METAP1D: variants seen among roughly 807,000 people sequenced by gnomAD.
METAP1D encodes the protein methionyl aminopeptidase type 1D, mitochondrial.
Under a neutral mutation model 40.5 loss-of-function variants are expected in METAP1D, and 31 were observed. That is an observed-to-expected ratio of 0.77 (90% CI 0.58 to 1.03). The LOEUF is 1.03. Among genes scored for constraint, METAP1D ranks in the 50% least tolerant of loss-of-function variants. The probability of loss-of-function intolerance (pLI) is 0.00; values close to 1 mark genes in which losing one functional copy is unlikely to be tolerated. For synonymous variants in METAP1D, 151 were observed against 146.4 expected (o/e 1.03, Z -0.22); for missense variants, 411 against 420.7 (o/e 0.98, Z 0.20).
intron 1 of METAP1D, among the ~76,000 whole-genome samples, chr2:172,010,219 C>A (rs1011971268): frequency 1.3e-5 from 2 of 150,722 alleles, no homozygotes; most frequent in African/African-American, 2.4e-5. Flanking sequence ...CAACTCACTG[C>A]AGCCTTGACC....
chr2:172,002,598 G>A (rs1043099313), intron 1 of METAP1D, among the ~76,000 whole-genome samples: 4 of 152,144 alleles, frequency 2.6e-5, no homozygotes, highest in African/African-American at 9.7e-5. Flanking sequence ...GAAGAAAAAT[G>A]TGTCATCAGG....
chr2:172,073,381 A>AT (rs1282497896), intron 6 of METAP1D, among the ~76,000 whole-genome samples: 2 of 152,192 alleles, frequency 1.3e-5, no homozygotes, highest in South Asian at 4.1e-4. Context: ...TTCTAGCTAC[A>AT]TTAAAAAAAA....
intron 1 of METAP1D, among the ~76,000 whole-genome samples, chr2:172,020,876 T>C (rs764626806): frequency 9.9e-5 from 15 of 152,212 alleles, no homozygotes; most frequent in Non-Finnish European, 2.1e-4. Context: ...AACTTGGGAT[T>C]TGCAAAATTC....
At chr2:172,003,697 T>C (rs1200655445) in intron 1 of METAP1D, among the ~76,000 whole-genome samples, 1 of 152,138 alleles carries the variant, frequency 6.6e-6, no homozygotes, top group African/African-American at 2.4e-5. Context: ...CTTTATAAAT[T>C]ACCCAGTCTC....
At chr2:172,007,012 C>T (rs1279974102) in intron 1 of METAP1D, among the ~76,000 whole-genome samples, 1 of 151,934 alleles carries the variant, frequency 6.6e-6, no homozygotes, top group African/African-American at 2.4e-5. Flanking sequence ...TTCATCTTTT[C>T]CTTTAAGTAC....
At chr2:172,041,333 C>T (rs562313426) in intron 1 of METAP1D, among the ~76,000 whole-genome samples, 2 of 135,296 alleles carry the variant, frequency 1.5e-5, no homozygotes, top group East Asian at 2.0e-4. Context: ...GTGGTGTGCA[C>T]CTATAGTCCC....
At chr2:172,007,003 T>G (rs1688601869) in intron 1 of METAP1D, among the ~76,000 whole-genome samples, 1 of 152,052 alleles carries the variant, frequency 6.6e-6, no homozygotes, top group South Asian at 2.1e-4. Flanking sequence ...CTCATTATGT[T>G]CATCTTTTCC....
Position 172,041,391 on chromosome 2 carries a change from G to A in METAP1D, c.41-20107G>A, listed in dbSNP as rs560288680. 4.7e-5 allele frequency among the ~76,000 whole-genome samples: 6 copies of A among 127,706 alleles called. 2 individuals carry two copies. The highest frequency in any genetic ancestry group is 2.1e-4 in the East Asian group (1 of 4,848). 83.8% of individuals were successfully genotyped at this position (127,706 alleles called of 152,430 possible). ...TAAGAATCGCTTGAATCCAGGAGGCGGAGGTTTCAGTGAGCCGATATCGTG... is the reference window on the plus strand; with the variant it reads ...TAAGAATCGCTTGAATCCAGGAGGCAGAGGTTTCAGTGAGCCGATATCGTG... On this transcript the variant is annotated intron_variant, in intron 1 of 9. Transcript: ENST00000315796.
chr2:172,071,750 C>T (rs971509905), intron 6 of METAP1D, among the ~76,000 whole-genome samples: 2 of 151,978 alleles, frequency 1.3e-5, no homozygotes, highest in East Asian at 1.9e-4. Context: ...GTAGACATGC[C>T]GAATATATGT....
chr2:172,001,231 G>A (rs1184025681), intron 1 of METAP1D, among the ~76,000 whole-genome samples: 3 of 152,022 alleles, frequency 2.0e-5, no homozygotes, highest in Non-Finnish European at 4.4e-5. Context: ...GACAGTGCAG[G>A]ATGAGTGTGT....
chr2:172,012,267 C>A (rs187596737), intron 1 of METAP1D, among the ~76,000 whole-genome samples: 1 of 152,224 alleles, frequency 6.6e-6, no homozygotes, highest in Non-Finnish European at 1.5e-5. Context: ...TCTCTGTGGT[C>A]TTCTGTCCTC....
At chr2:172,007,347 T>A (rs927530158) in intron 1 of METAP1D, among the ~76,000 whole-genome samples, 3 of 152,036 alleles carry the variant, frequency 2.0e-5, no homozygotes, top group Admixed American at 6.6e-5. Context: ...TCATGTAATA[T>A]TTAATTTTAT....
At chr2:172,060,045 C>T (rs575768605) in intron 1 of METAP1D, among the ~76,000 whole-genome samples, 4 of 150,684 alleles carry the variant, frequency 2.7e-5, no homozygotes, top group South Asian at 2.1e-4. Context: ...AGTGAGACTC[C>T]GTCTCAAAAA....
At chr2:172,020,914 C>G (rs533442504) in intron 1 of METAP1D, among the ~76,000 whole-genome samples, 1 of 152,128 alleles carries the variant, frequency 6.6e-6, no homozygotes, top group Non-Finnish European at 1.5e-5. Context: ...ATAAAGTTGA[C>G]AGTAAATGGC....
chr2:172,059,111 C>CTTT (rs58889810), intron 1 of METAP1D, among the ~76,000 whole-genome samples: 7 of 143,906 alleles, frequency 4.9e-5, no homozygotes, highest in Non-Finnish European at 9.2e-5. Flanking sequence ...TTCTTTCTTT[C>CTTT]TTTTTTTTTT....
intron 5 of METAP1D, among the ~76,000 whole-genome samples, chr2:172,067,210 G>A (rs892746777): frequency 6.6e-6 from 1 of 152,106 alleles, no homozygotes; most frequent in Non-Finnish European, 1.5e-5. Context: ...CATCTTAGGA[G>A]AACTAGTTGA....
At chr2:172,058,495 A>T (rs1012375027) in intron 1 of METAP1D, among the ~76,000 whole-genome samples, 4 of 152,154 alleles carry the variant, frequency 2.6e-5, no homozygotes, top group African/African-American at 9.7e-5. Context: ...TCATTAGGGA[A>T]ATATTATACT....
At chr2:172,023,883 CT>C (rs1689060601) in intron 1 of METAP1D, among the ~76,000 whole-genome samples, 1 of 138,984 alleles carries the variant, frequency 7.2e-6, no homozygotes, top group East Asian at 2.0e-4. Context: ...GAGACAGAGT[CT>C]TGCTCTGTCA....
chr2:172,014,539 G>A (rs931971730), intron 1 of METAP1D, among the ~76,000 whole-genome samples: 2 of 152,204 alleles, frequency 1.3e-5, no homozygotes, highest in African/African-American at 4.8e-5. Context: ...CTGACATGTT[G>A]GTTGTTTAAA....
Sources: gnomAD v4.1 joint callset for allele counts (sites outside exome capture counted in the v4.1 genomes callset) on GRCh38, gnomAD v4.1.1 for gene constraint, MANE v1.5 for transcripts, NCBI Gene and HGNC (gene_info 2026-07-23, HGNC 2026-07-21) for gene names.